ZNF483: variants seen among roughly 807,000 people sequenced by gnomAD.
ZNF483 encodes zinc finger protein 483.
ZNF483 carries 9 observed loss-of-function variants against 28.6 expected under a neutral mutation model. That is an observed-to-expected ratio of 0.32 (90% CI 0.19 to 0.55). The LOEUF (loss-of-function observed/expected upper bound fraction) is 0.55. Among genes scored for constraint, ZNF483 ranks in the 20% least tolerant of loss-of-function variants. ZNF483 has a pLI of 0.93. For missense variants in ZNF483, 675 were observed against 871.7 expected (o/e 0.77, Z 2.84); for synonymous variants, 322 against 306.2 (o/e 1.05, Z -0.54).
intron 5 of ZNF483, among the ~76,000 whole-genome samples, chr9:111,561,231 A>G (rs779795935): frequency 1.6e-4 from 24 of 146,282 alleles, no homozygotes; most frequent in Non-Finnish European, 3.3e-4. Context: ...CATATGTTCA[A>G]GTCTTCTTTT....
intron 2 of ZNF483, 101 bp from the exon 3 acceptor site, chr9:111,530,774 T>TATATATATATATATATATATATAC (rs1827312612): frequency 2.4e-5 from 1 of 41,084 alleles, no homozygotes; most frequent in Admixed American, 2.2e-4. Flanking sequence ...TATATATATA[T>TATATATATATATATATATATATAC]ATATATATAT....
In ZNF483 at chr9:111,551,791, A is replaced by G. The variant is rs1446749586; in HGVS notation, c.*8621A>G. 2.6e-5 allele frequency among the ~76,000 whole-genome samples: 4 copies of G among 152,190 alleles called. No individual in the cohort carries two copies. Among genetic ancestry groups the G allele is most frequent in the Non-Finnish European group, 1.5e-5 (1 of 68,038 alleles). ...TCTAGGCAAAATTATATCACTTTCAAAACTTTTTAAGTAAATTCAGTAACA... is the reference window on the plus strand; with the variant it reads ...TCTAGGCAAAATTATATCACTTTCAGAACTTTTTAAGTAAATTCAGTAACA... On this transcript the variant is annotated 3_prime_UTR_variant, in exon 6 of 6. Coordinates refer to ENST00000309235, the MANE Select transcript of ZNF483 (RefSeq NM_133464.5).
chr9:111,574,867 G>T, intron 5 of ZNF483: 2 of 1,525,204 alleles, frequency 1.3e-6, no homozygotes, highest in Non-Finnish European at 1.8e-6. Context: ...AAGACAAAAT[G>T]TTAAATAATC....
rs1291027582 is a variant in ZNF483, at chr9:111,544,429, T to C, written c.*1259T>C. 1.1e-6 allele frequency: 1 copy of C among 942,128 alleles called. No individual in the cohort carries two copies. The highest frequency in any genetic ancestry group is 1.3e-6 in the Non-Finnish European group (1 of 790,658). 58.4% of individuals were successfully genotyped at this position (942,128 alleles called of 1,614,324 possible). On this transcript the variant is annotated 3_prime_UTR_variant, in exon 6 of 6. Coordinates refer to ENST00000309235, the MANE Select transcript of ZNF483 (RefSeq NM_133464.5). ...CATTTCATACTAAAAACAAAGCTTGTCTTAAAAAAAATTATAAGGGCTAAC... is the reference window on the plus strand; with the variant it reads ...CATTTCATACTAAAAACAAAGCTTGCCTTAAAAAAAATTATAAGGGCTAAC...
rs573169578 is a variant in ZNF483 at position 111,547,719 on chromosome 9, A to T, written c.*4549A>T. Among the ~76,000 whole-genome samples the T allele has an allele frequency of 6.6e-6, 1 of 152,246 alleles. No homozygotes were observed. Among genetic ancestry groups the T allele is most frequent in the African/African-American group, 2.4e-5 (1 of 41,566 alleles). On this transcript the variant is annotated 3_prime_UTR_variant, in exon 6 of 6. Coordinates refer to ENST00000309235, the MANE Select transcript of ZNF483 (RefSeq NM_133464.5). Reference sequence around the variant, plus strand: ...GGTCATACCCAAGAAACCATGGCCAAATCCAATGTCATGAAGCTTTTCTCC... The same window carrying T: ...GGTCATACCCAAGAAACCATGGCCATATCCAATGTCATGAAGCTTTTCTCC...
intron 5 of ZNF483, chr9:111,562,828 T>G: frequency 1.7e-6 from 1 of 586,934 alleles, no homozygotes; most frequent in Non-Finnish European, 2.4e-6. Flanking sequence ...AGCTCCCACT[T>G]ATGAATGAAA....
In ZNF483 at chr9:111,554,716, C is replaced by G. The variant is rs1199571349; in HGVS notation, c.*11546C>G. Among the ~76,000 whole-genome samples the G allele has an allele frequency of 6.6e-6, 1 of 152,168 alleles. No individual in the cohort carries two copies. The highest frequency in any genetic ancestry group is 2.1e-4 in the South Asian group (1 of 4,828). On this transcript the variant is annotated 3_prime_UTR_variant, in exon 6 of 6. Transcript: ENST00000309235. Reference sequence around the variant, plus strand: ...GTTTCATCAGGCTACTCAGAACATACTGGAATTTTTTATTTCTGGAATTTT... The same window carrying G: ...GTTTCATCAGGCTACTCAGAACATAGTGGAATTTTTTATTTCTGGAATTTT...
downstream of ZNF483, among the ~76,000 whole-genome samples, chr9:111,557,994 A>C (rs916392928): frequency 1.2e-4 from 19 of 152,268 alleles, no homozygotes; most frequent in Admixed American, 1.0e-3. Flanking sequence ...TAAAAATACA[A>C]AAATTAGCCA....
chr9:111,567,113 T>C (rs1211635237), intron 5 of ZNF483, among the ~76,000 whole-genome samples: 1 of 149,102 alleles, frequency 6.7e-6, no homozygotes, highest in Non-Finnish European at 1.5e-5. Context: ...TCGGGGGGCG[T>C]GGGATATGGA....
In ZNF483 at chr9:111,526,973, G is replaced by A. The variant is rs981348921; in HGVS notation, c.-128-295G>A. The stretch of plus-strand genomic sequence containing the variant: ...AAATTAGCCAGGCATGGTGGTGGGC[G>A]CCTATAATCCCAGCTACTCAAGAGG... On this transcript the variant is annotated intron_variant, in intron 1 of 5. Transcript: ENST00000309235. 2.6e-5 allele frequency among the ~76,000 whole-genome samples: 4 copies of A among 151,984 alleles called. No individual in the cohort carries two copies. In the East Asian group the frequency reaches 5.8e-4, roughly 22 times the overall value.
intron 2 of ZNF483, chr9:111,528,067 T>C (rs1827224924): frequency 7.3e-7 from 1 of 1,373,434 alleles, no homozygotes; most frequent in African/African-American, 1.5e-5. Context: ...TAGGATATAA[T>C]ATATGGTGGA....
chr9:111,528,379 G>A (rs1827232846), intron 2 of ZNF483, among the ~76,000 whole-genome samples: 1 of 152,200 alleles, frequency 6.6e-6, no homozygotes, highest in African/African-American at 2.4e-5. Flanking sequence ...CAGTTCCACA[G>A]CCTTAGGGCA....
rs543820529 is a variant in ZNF483, at chr9:111,571,480, T to C, written c.722-4885T>C. On this transcript the variant is annotated intron_variant, in intron 5 of 5. Transcript: ENST00000358151. ...GTTTTTGTGTCTGTGTGTTTTGTGG[T>C]TGTCGTTTTTAATTTGAGACAGGGT... is the stretch of plus-strand genomic sequence containing the variant. Among the ~76,000 whole-genome samples the C allele has an allele frequency of 1.3e-3, 195 of 149,194 alleles. 1 individual carries two copies. The highest frequency in any genetic ancestry group is 4.3e-3 in the African/African-American group (176 of 41,316).
Position 111,543,277 on chromosome 9 carries a change from T to C in ZNF483, c.*107T>C, listed in dbSNP as rs908677327. On this transcript the variant is annotated 3_prime_UTR_variant, in exon 6 of 6. Coordinates refer to ENST00000309235, the MANE Select transcript of ZNF483 (RefSeq NM_133464.5). ...ATCAGTAGCTGCAGCTTTCGTAAAT[T>C]GGCAGTTAGGAAAAATATCCTTTTG... is the stretch of plus-strand genomic sequence containing the variant. 121 of 1,453,938 alleles carry C rather than the reference T, an allele frequency of 8.3e-5. No homozygotes were observed. The highest frequency in any genetic ancestry group is 1.1e-4 in the Non-Finnish European group (117 of 1,110,222). 90.1% of individuals were successfully genotyped at this position (1,453,938 alleles called of 1,614,324 possible).
chr9:111,544,361 T>C lies in ZNF483; in HGVS notation c.*1191T>C. 3 of 984,596 alleles carry C rather than the reference T, an allele frequency of 3.0e-6. No homozygotes were observed. Among genetic ancestry groups the C allele is most frequent in the Non-Finnish European group, 3.6e-6 (3 of 829,310 alleles). The allele number at this position is 984,596 out of a possible 1,614,324, so 61.0% of individuals were successfully genotyped here. ...GGGTGTGTGTGCATGTGTGTGTGTG[T>C]GTGTGTGTGTGTATACATTGTTGCC... On this transcript the variant is annotated 3_prime_UTR_variant, in exon 6 of 6. Transcript: ENST00000309235.
chr9:111,564,336 C>CAGA, intron 5 of ZNF483: 3 of 577,968 alleles, frequency 5.2e-6, no homozygotes, highest in South Asian at 6.2e-5. Context: ...GACAGGGTCT[C>CAGA]ACTCTGTCAC....
rs1044631858 is a variant in ZNF483 at position 111,554,486 on chromosome 9, C to A, written c.*11316C>A. On this transcript the variant is annotated 3_prime_UTR_variant, in exon 6 of 6. Transcript: ENST00000309235. ...CACACTTAATGCATACAGTAGCCCCCTTATCCATGGGGGATATGCTCCAAG... is the reference window on the plus strand; with the variant it reads ...CACACTTAATGCATACAGTAGCCCCATTATCCATGGGGGATATGCTCCAAG... 6.6e-6 allele frequency among the ~76,000 whole-genome samples: 1 copy of A among 152,196 alleles called. No homozygotes were observed. Among genetic ancestry groups the A allele is most frequent in the African/African-American group, 2.4e-5 (1 of 41,440 alleles).
chr9:111,537,780 C>A (rs768390444), intron 5 of ZNF483, among the ~76,000 whole-genome samples: 6 of 152,100 alleles, frequency 3.9e-5, no homozygotes, highest in Non-Finnish European at 8.8e-5. Flanking sequence ...GCACATGCCA[C>A]CATGTTCAGC....
intron 5 of ZNF483, among the ~76,000 whole-genome samples, chr9:111,565,048 C>G (rs905386681): frequency 1.3e-5 from 2 of 151,994 alleles, no homozygotes; most frequent in African/African-American, 4.8e-5. Flanking sequence ...CACATGAACC[C>G]GGCAGGCGGA....
Sources: allele counts gnomAD v4.1 joint callset (sites outside exome capture counted in the v4.1 genomes callset), GRCh38; gene constraint gnomAD v4.1.1; transcripts MANE v1.5; gene names NCBI Gene and HGNC (gene_info 2026-07-23, HGNC 2026-07-21).